The following ORC2 variants were observed in gnomAD, a reference collection of about 807,000 sequenced individuals.
ORC2 encodes origin recognition complex subunit 2.
A neutral mutation model predicts 77.7 loss-of-function variants in ORC2; 37 were observed. The observed-to-expected ratio is 0.48, with a 90% CI of 0.37 to 0.63. The LOEUF (loss-of-function observed/expected upper bound fraction) is 0.63, where lower values mean the gene tolerates loss of function less well. Among genes scored for constraint, ORC2 ranks in the 20% least tolerant of loss-of-function variants. The pLI is 0.00. For missense variants in ORC2, 557 were observed against 661.9 expected, an observed-to-expected ratio of 0.84 and a Z score of 1.74; for synonymous variants, 201 against 229.5, an observed-to-expected ratio of 0.88 and a Z score of 1.12.
chr2:200,920,123 C>G, intron 15 of ORC2, 99 bp downstream of exon 15: 1 of 817,448 alleles, frequency 1.2e-6, no homozygotes, highest in Admixed American at 2.9e-5. Context: ...TCACTTAATC[C>G]TTCAACTAAC....
intron 15 of ORC2, among the ~76,000 whole-genome samples, chr2:200,919,138 A>G (rs1351972535): frequency 6.6e-6 from 1 of 152,212 alleles, no homozygotes; most frequent in East Asian, 1.9e-4. Flanking sequence ...CAAGTCTAAC[A>G]CATTTCTAAC....
intron 1 of ORC2, 139 bp downstream of exon 1, chr2:200,963,351 G>A (rs2041618530): frequency 2.5e-6 from 1 of 397,906 alleles, no homozygotes; most frequent in Non-Finnish European, 4.4e-6. Context: ...CCCAAGTGCC[G>A]AGGGAAAGTC....
intron 7 of ORC2, among the ~76,000 whole-genome samples, chr2:200,939,671 G>A (rs754688556): frequency 2.0e-5 from 3 of 152,228 alleles, no homozygotes. Flanking sequence ...CCCCAAGCCC[G>A]ATACATATTT....
At chr2:200,938,230 T>G (rs1575169746) in intron 7 of ORC2, among the ~76,000 whole-genome samples, 1 of 152,212 alleles carries the variant, frequency 6.6e-6, no homozygotes, top group African/African-American at 2.4e-5. Context: ...GGTCTCACCA[T>G]GTTGGCCAGG....
rs1266307244 is a variant in ORC2, at chr2:200,944,381, GCCAGGCTAGTCTCAAACT to G, written c.329-1622_329-1605del. On this transcript the variant is annotated intron_variant, in intron 5 of 17. Coordinates refer to ENST00000234296, the MANE Select transcript of ORC2 (RefSeq NM_006190.5). ...GTAGAGCGGGGGTTTCACCATGCTG[GCCAGGCTAGTCTCAAACT>G]CCTGACCTCGTGATCTGCCTGCCTT... Among the ~76,000 whole-genome samples, 113 of 152,180 alleles carry G rather than the reference GCCAGGCTAGTCTCAAACT, an allele frequency of 7.4e-4. 1 individual carries two copies. Among genetic ancestry groups the G allele is most frequent in the Non-Finnish European group, 1.8e-4 (12 of 68,002 alleles).
At chr2:200,933,754 T>A in intron 10 of ORC2, 122 bp downstream of exon 10, 1 of 552,160 alleles carries the variant, frequency 1.8e-6, no homozygotes. Flanking sequence ...CACATTAACT[T>A]GTGTTTCATT....
At chr2:200,949,504 T>C in intron 5 of ORC2, 50 bp downstream of exon 5, 1 of 989,480 alleles carries the variant, frequency 1.0e-6, no homozygotes, top group Non-Finnish European at 1.6e-6. Flanking sequence ...TGGTTAAATC[T>C]ACCTTAGGAA....
At chr2:200,953,961 T>C (rs756061948) in intron 4 of ORC2, among the ~76,000 whole-genome samples, 16 of 152,010 alleles carry the variant, frequency 1.1e-4, no homozygotes, top group Non-Finnish European at 1.5e-4. Flanking sequence ...GGACTACAGG[T>C]GCATGCCACC....
chr2:200,913,227 T>G lies in ORC2; in HGVS notation c.1647+68A>C. On this transcript the variant is annotated intron_variant, in intron 17 of 17. Coordinates refer to ENST00000234296, the MANE Select transcript of ORC2 (RefSeq NM_006190.5). ...TTCAAAATCAGGTCTAAGTCAAACA[T>G]ATATGTGTCCTTAAGTAAATGATAC... is the stretch of plus-strand genomic sequence containing the variant. 3.3e-6 allele frequency: 4 copies of G among 1,194,960 alleles called. No homozygotes were observed. The South Asian group carries it at 5.5e-5, about 16-fold the overall frequency. The allele number at this position is 1,194,960 out of a possible 1,614,324, so 74.0% of individuals were successfully genotyped here.
intron 11 of ORC2, among the ~76,000 whole-genome samples, chr2:200,930,035 C>T (rs2040911651): frequency 6.6e-6 from 1 of 152,064 alleles, no homozygotes; most frequent in Admixed American, 6.6e-5. Flanking sequence ...TTAACAGTTA[C>T]ATGAGTCATT....
rs751700689 is a variant in ORC2 at position 200,926,830 on chromosome 2, T to C, written c.988A>G (p.Met330Val). 2.3e-5 allele frequency: 37 copies of C among 1,613,752 alleles called. No individual in the cohort carries two copies. The highest frequency in any genetic ancestry group is 1.8e-4 in the East Asian group (8 of 44,872). ...ACAACGTGAATGGAATCTTGCAGCA[T>C]AGTGGTTCGAAACCTTTCTAGTAAA... is the stretch of plus-strand genomic sequence containing the variant. The part of the protein sequence containing the change: ...RDLLERFRTT[M>V]LQDSIHVVIN... Residue 330 changes from methionine to valine, a missense_variant, in exon 12 of 18, where the codon ATG (methionine) becomes GTG (valine). Coordinates refer to ENST00000234296, the MANE Select transcript of ORC2 (RefSeq NM_006190.5).
intron 5 of ORC2, among the ~76,000 whole-genome samples, chr2:200,947,697 C>T (rs938209314): frequency 6.6e-6 from 1 of 152,078 alleles, no homozygotes; most frequent in Non-Finnish European, 1.5e-5. Context: ...ATGATGACCC[C>T]CTCATACCAC....
chr2:200,928,476 T>C (rs1226660022), intron 11 of ORC2, among the ~76,000 whole-genome samples: 1 of 152,060 alleles, frequency 6.6e-6, no homozygotes, highest in East Asian at 1.9e-4. Flanking sequence ...CTATTACTTT[T>C]CAGATGACAG....
chr2:200,916,610 A>G (rs2040657514), intron 15 of ORC2, among the ~76,000 whole-genome samples: 1 of 152,242 alleles, frequency 6.6e-6, no homozygotes, highest in Non-Finnish European at 1.5e-5. Context: ...GACTTTTATT[A>G]TTAGTAATAA....
rs1456085044 is a variant in ORC2 at position 200,937,962 on chromosome 2, T to C, written c.458A>G (p.Asn153Ser). 1.3e-6 allele frequency: 2 copies of C among 1,591,944 alleles called. No homozygotes were observed. The highest frequency in any genetic ancestry group is 1.7e-6 in the Non-Finnish European group (2 of 1,162,322). ...SASDKVQPKN[N>S]DKSEFLSTAP... ...TGTTGACAGAAATTCACTTTTGTCA[T>C]TGTTCTGTTTAGAAATAGAAAAAGC... Residue 153 changes from asparagine (N) to serine (S), a missense_variant, in exon 8 of 18, where the codon AAT becomes AGT. By Grantham distance (46) the Asn-to-Ser change is conservative. Coordinates refer to ENST00000234296, the MANE Select transcript of ORC2 (RefSeq NM_006190.5).
In ORC2 at chr2:200,949,593, A is replaced by G; in HGVS notation, c.289T>C (p.Phe97Leu). Residue 97 changes from phenylalanine to leucine, a missense_variant, in exon 5 of 18, where the codon TTT becomes CTT. By Grantham distance (22) the Phe-to-Leu change is conservative. Transcript: ENST00000234296. ...TTTTCAGAGTGTTTTCTATTCTGAAAAGAATAAACTTTATTTCCACCACCT... is the reference window on the plus strand; with the variant it reads ...TTTTCAGAGTGTTTTCTATTCTGAAGAGAATAAACTTTATTTCCACCACCT... ...ATGGGNKVYS[F>L]QNRKHSEKMA... The G allele has an allele frequency of 6.2e-7, 1 of 1,602,844 alleles. No homozygotes were observed. Among genetic ancestry groups the G allele is most frequent in the Non-Finnish European group, 8.5e-7 (1 of 1,171,090 alleles).
Position 200,961,493 on chromosome 2 carries a change from T to A in ORC2, c.-60+1997A>T, listed in dbSNP as rs1186865331. Among the ~76,000 whole-genome samples the A allele has an allele frequency of 7.2e-5, 11 of 152,284 alleles. No homozygotes were observed. In the East Asian group the frequency reaches 2.1e-3, roughly 29 times the overall value. Reference sequence around the variant, plus strand: ...ACCTCTGAAAACCATTCATAATAGGTCTAATTATTTCTCTACATGTCAATT... The same window carrying A: ...ACCTCTGAAAACCATTCATAATAGGACTAATTATTTCTCTACATGTCAATT... On this transcript the variant is annotated intron_variant, in intron 1 of 17. Coordinates refer to ENST00000234296, the MANE Select transcript of ORC2 (RefSeq NM_006190.5).
At chr2:200,921,373 T>A (rs1391879525) in intron 13 of ORC2, 1 of 256,084 alleles carries the variant, frequency 3.9e-6, no homozygotes, top group Non-Finnish European at 7.3e-6. Flanking sequence ...CAGGTTGGTC[T>A]TGAACTCCTG....
chr2:200,921,303 G>A (rs371665857), intron 13 of ORC2, 164 bp from the exon 14 acceptor site: 20 of 398,926 alleles, frequency 5.0e-5, no homozygotes, highest in Middle Eastern at 1.3e-3. Context: ...GGAACTAGGC[G>A]CACACCACCA....
Sources: allele counts gnomAD v4.1 joint callset (sites outside exome capture counted in the v4.1 genomes callset), GRCh38; gene constraint gnomAD v4.1.1; transcripts MANE v1.5; gene names NCBI Gene and HGNC (gene_info 2026-07-23, HGNC 2026-07-21).